The following DLGAP1 variants were observed in gnomAD, a reference collection of about 807,000 sequenced individuals.
DLGAP1 encodes the protein DLG associated protein 1.
Under a neutral mutation model 90.8 loss-of-function variants are expected in DLGAP1, and 11 were observed. The ratio of observed to expected loss-of-function variants is 0.12; its 90% CI spans 0.08 to 0.20. DLGAP1 has a LOEUF of 0.20. Among genes scored for constraint, DLGAP1 ranks in the 10% least tolerant of loss-of-function variants. The pLI is 1.00. For missense variants in DLGAP1, 1,050 were observed against 1,333.8 expected, an observed-to-expected ratio of 0.79 and a Z score of 3.31; for synonymous variants, 558 against 540.7, an observed-to-expected ratio of 1.03 and a Z score of -0.44.
chr18:3,716,931 C>T (rs2061781490), intron 7 of DLGAP1, among the ~76,000 whole-genome samples: 1 of 151,758 alleles, frequency 6.6e-6, no homozygotes, highest in Non-Finnish European at 1.5e-5. Context: ...GAGTTCAAGA[C>T]CAGCCTGGGC....
intron 5 of DLGAP1, among the ~76,000 whole-genome samples, chr18:3,759,723 A>G (rs1397424692): frequency 1.3e-5 from 2 of 152,244 alleles, no homozygotes; most frequent in Non-Finnish European, 2.9e-5. Flanking sequence ...ATTCATGTTA[A>G]GCTTATAACA....
chr18:3,720,678 T>C (rs1014684353), intron 7 of DLGAP1, among the ~76,000 whole-genome samples: 2 of 152,074 alleles, frequency 1.3e-5, no homozygotes, highest in Non-Finnish European at 2.9e-5. Context: ...GTTTGCTATA[T>C]TTGTTAACAT....
intron 1 of DLGAP1, among the ~76,000 whole-genome samples, chr18:4,153,314 C>A (rs1271011756): frequency 9.2e-5 from 14 of 152,124 alleles, no homozygotes; most frequent in Non-Finnish European, 1.5e-5. Context: ...TGAAAATGAT[C>A]CCAGCTAATT....
intron 1 of DLGAP1, among the ~76,000 whole-genome samples, chr18:4,237,690 GA>G (rs146425053): frequency 0.022 from 3,106 of 138,966 alleles, 37 homozygotes; most frequent in Non-Finnish European, 0.029. Context: ...CATTTATAAA[GA>G]AAAAAAAAAA....
At position 3,565,554 on chromosome 18, in the gene DLGAP1, G is replaced by A. The variant is rs62084016; in HGVS notation, c.2057+1936C>T. Among the ~76,000 whole-genome samples the A allele has an allele frequency of 0.41, 62,321 of 151,812 alleles. 15,374 individuals are homozygous for A. Among genetic ancestry groups the A allele is most frequent in the Non-Finnish European group, 0.56 (37,709 of 67,906 alleles). ...CTAGGACATTAAAGCAATGATTACC[G>A]GCCCAGCGCGGTGGCTCACGCCTGT... On this transcript the variant is annotated intron_variant, in intron 9 of 12. Coordinates refer to ENST00000315677, the MANE Select transcript of DLGAP1 (RefSeq NM_004746.4). The surrounding 1 kb of genome is among the most constrained non-coding windows in gnomAD (Gnocchi z 4.0).
At chr18:3,748,687 T>C (rs1442069323) in intron 5 of DLGAP1, among the ~76,000 whole-genome samples, 2 of 152,206 alleles carry the variant, frequency 1.3e-5, no homozygotes, top group Non-Finnish European at 2.9e-5. Flanking sequence ...TATCAAATCA[T>C]ACTCATAAAC....
intron 6 of DLGAP1, among the ~76,000 whole-genome samples, chr18:3,738,422 C>G: frequency 7.3e-6 from 1 of 137,202 alleles, no homozygotes; most frequent in South Asian, 2.3e-4. Context: ...GGTACCAAAA[C>G]AGAGATATAG....
At chr18:4,311,340 C>T (rs750504560) in intron 1 of DLGAP1, among the ~76,000 whole-genome samples, 1 of 152,126 alleles carries the variant, frequency 6.6e-6, no homozygotes, top group Non-Finnish European at 1.5e-5. Context: ...TAAGAGTGCC[C>T]ACTGGGATAA....
At chr18:4,116,690 T>C (rs983346695) in intron 2 of DLGAP1, among the ~76,000 whole-genome samples, 3 of 152,252 alleles carry the variant, frequency 2.0e-5, no homozygotes, top group Non-Finnish European at 4.4e-5. Context: ...GAATTTTCAT[T>C]TGGTACCTTT....
chr18:3,985,476 C>A (rs1343311390), intron 3 of DLGAP1, among the ~76,000 whole-genome samples: 2 of 150,350 alleles, frequency 1.3e-5, no homozygotes, highest in South Asian at 4.2e-4. Context: ...GATGATATAA[C>A]TTTCTGATCA....
chr18:4,295,895 A>G (rs1286645096), intron 1 of DLGAP1, among the ~76,000 whole-genome samples: 1 of 152,258 alleles, frequency 6.6e-6, no homozygotes, highest in Non-Finnish European at 1.5e-5. Flanking sequence ...TATTAAGTGT[A>G]TTTAAAGATA....
At chr18:4,066,097 T>C (rs2075366650) in intron 2 of DLGAP1, among the ~76,000 whole-genome samples, 1 of 152,150 alleles carries the variant, frequency 6.6e-6, no homozygotes, top group Admixed American at 6.6e-5. Flanking sequence ...TTGGGATAAC[T>C]GGCTAGCCAT....
At chr18:4,287,845 TATAATA>T (rs560018535) in intron 1 of DLGAP1, among the ~76,000 whole-genome samples, 2 of 151,296 alleles carry the variant, frequency 1.3e-5, no homozygotes, top group African/African-American at 4.9e-5. Context: ...GAACTTAAAG[TATAATA>T]ATAAGAAAAA....
At chr18:4,008,948 G>A (rs1345826708) in intron 2 of DLGAP1, among the ~76,000 whole-genome samples, 6 of 152,194 alleles carry the variant, frequency 3.9e-5, no homozygotes, top group Non-Finnish European at 8.8e-5. Flanking sequence ...CCGTCGCCCA[G>A]GCTGGAGTGC....
At chr18:3,790,084 C>T (rs932896994) in intron 5 of DLGAP1, among the ~76,000 whole-genome samples, 1 of 152,012 alleles carries the variant, frequency 6.6e-6, no homozygotes, top group African/African-American at 2.4e-5. Context: ...TATTAGCCCC[C>T]AGATGGTATG....
chr18:3,578,223 G>A (rs2055270151), intron 8 of DLGAP1, among the ~76,000 whole-genome samples: 1 of 152,084 alleles, frequency 6.6e-6, no homozygotes. Context: ...GTAAAGTTTT[G>A]GTAAAGGATT....
At chr18:4,202,138 C>T (rs879879908) in intron 1 of DLGAP1, among the ~76,000 whole-genome samples, 6 of 151,408 alleles carry the variant, frequency 4.0e-5, no homozygotes, top group Admixed American at 2.0e-4. Flanking sequence ...TGTATACATA[C>T]GCACACACAC....
At chr18:3,596,868 GT>G (rs1318047752) in intron 7 of DLGAP1, 1 of 520,112 alleles carries the variant, frequency 1.9e-6, no homozygotes, top group East Asian at 5.4e-5. Context: ...GCCCCCTCGT[GT>G]TTGATGTTGG....
intron 1 of DLGAP1, among the ~76,000 whole-genome samples, chr18:4,298,736 C>T (rs924319792): frequency 6.0e-5 from 9 of 150,890 alleles, no homozygotes; most frequent in African/African-American, 2.2e-4. Flanking sequence ...AACTAACCTG[C>T]ACAATGTGCA....
Sources: allele counts gnomAD v4.1 joint callset (sites outside exome capture counted in the v4.1 genomes callset), GRCh38; gene constraint gnomAD v4.1.1; non-coding constraint Gnocchi (gnomAD v3.1); transcripts MANE v1.5; gene names NCBI Gene and HGNC (gene_info 2026-07-23, HGNC 2026-07-21).